Variants in PKIB observed in about 807,000 individuals in gnomAD.
The protein encoded by PKIB is cAMP-dependent protein kinase inhibitor beta, also known as PKI-beta.
In PKIB, 2 loss-of-function variants were observed where a neutral mutation model predicts 4.5. The observed-to-expected ratio is 0.44, with a 90% CI of 0.18 to 1.39. PKIB has a LOEUF of 1.39. Ranked by LOEUF, PKIB falls within the 40% of genes most tolerant of loss-of-function variation. The pLI, the probability that PKIB is intolerant of heterozygous loss-of-function variation, is 0.27. For synonymous variants in PKIB, 38 were observed against 36.0 expected (o/e 1.06, Z -0.20); for missense variants, 94 against 92.6 (o/e 1.02, Z -0.06).
intron 2 of PKIB, among the ~76,000 whole-genome samples, chr6:122,567,791 A>G (rs959506219): frequency 2.6e-5 from 4 of 152,178 alleles, no homozygotes; most frequent in Non-Finnish European, 4.4e-5. Context: ...AAACACACCA[A>G]TTGAGCATGC....
chr6:122,695,989 T>A (rs1778555211), intron 3 of PKIB, among the ~76,000 whole-genome samples: 1 of 152,194 alleles, frequency 6.6e-6, no homozygotes, highest in Non-Finnish European at 1.5e-5. Context: ...CTGTTCTACC[T>A]GTGTATGGCT....
At chr6:122,679,295 G>A (rs1777809461) in intron 3 of PKIB, among the ~76,000 whole-genome samples, 1 of 152,220 alleles carries the variant, frequency 6.6e-6, no homozygotes, top group African/African-American at 2.4e-5. Flanking sequence ...CTGCTGGACT[G>A]GAGGGGAGCA....
intron 1 of PKIB, among the ~76,000 whole-genome samples, chr6:122,474,658 T>A (rs576515172): frequency 1.3e-3 from 200 of 152,312 alleles, no homozygotes; most frequent in African/African-American, 4.6e-3. Flanking sequence ...GTATGTAAAA[T>A]TAATAGTCTC....
At chr6:122,644,356 C>A (rs1776232843) in intron 2 of PKIB, 2 of 152,192 alleles carry the variant, frequency 1.3e-5, no homozygotes, top group Non-Finnish European at 2.9e-5. Flanking sequence ...CTATTCTGTA[C>A]CTTGCTTTGC....
intron 2 of PKIB, among the ~76,000 whole-genome samples, chr6:122,652,292 TTGTGTGTG>T (rs66695664): frequency 0.09 from 12,768 of 141,914 alleles, 595 homozygotes; most frequent in East Asian, 0.17. Flanking sequence ...ATATGTTGGT[TTGTGTGTG>T]TGTGTGTGTG....
intron 2 of PKIB, chr6:122,479,603 G>C (rs1775547573): frequency 6.6e-6 from 1 of 152,162 alleles, no homozygotes; most frequent in Admixed American, 6.5e-5. Flanking sequence ...TTTCCTAGCT[G>C]TTAATATAAT....
At chr6:122,618,920 CATTCA>C (rs1289436601) in intron 1 of PKIB, among the ~76,000 whole-genome samples, 1 of 152,072 alleles carries the variant, frequency 6.6e-6, no homozygotes. Context: ...GTGCAGTTTA[CATTCA>C]AAATAATACT....
chr6:122,482,544 A>ATTTTTTTTTTTT (rs571676167), intron 2 of PKIB: 1 of 103,720 alleles, frequency 9.6e-6, no homozygotes, highest in Non-Finnish European at 1.8e-5. Flanking sequence ...TTTAGGTTGG[A>ATTTTTTTTTTTT]TTTTTTTTTT....
intron 3 of PKIB, among the ~76,000 whole-genome samples, chr6:122,604,993 A>G (rs552086406): frequency 7.9e-5 from 12 of 152,270 alleles, no homozygotes; most frequent in Admixed American, 3.9e-4. Context: ...TGTGTCCCCA[A>G]CTGTTTCATT....
At chr6:122,526,242 G>C (rs1011913302) in intron 2 of PKIB, among the ~76,000 whole-genome samples, 2 of 151,972 alleles carry the variant, frequency 1.3e-5, no homozygotes, top group Non-Finnish European at 2.9e-5. Flanking sequence ...ATCCATAAGA[G>C]CTGGAATGAA....
chr6:122,538,251 C>T (rs866857405), intron 2 of PKIB, among the ~76,000 whole-genome samples: 3 of 152,012 alleles, frequency 2.0e-5, no homozygotes, highest in Non-Finnish European at 4.4e-5. Flanking sequence ...GAAGTCCTTG[C>T]CCATGCCTAT....
chr6:122,534,637 T>C (rs1777352093), intron 2 of PKIB, among the ~76,000 whole-genome samples: 1 of 152,030 alleles, frequency 6.6e-6, no homozygotes. Flanking sequence ...ACCAGCCAAA[T>C]ACAATACTTT....
intron 3 of PKIB, among the ~76,000 whole-genome samples, chr6:122,706,755 A>T (rs1465760377): frequency 6.6e-6 from 1 of 152,204 alleles, no homozygotes; most frequent in Non-Finnish European, 1.5e-5. Flanking sequence ...ACACATGCAT[A>T]TGCCATTTTT....
At chr6:122,588,401 T>G (rs1773918291) in intron 3 of PKIB, among the ~76,000 whole-genome samples, 1 of 152,110 alleles carries the variant, frequency 6.6e-6, no homozygotes, top group Non-Finnish European at 1.5e-5. Context: ...TACCAATGAC[T>G]TTCTTCACAG....
At chr6:122,690,694 A>C (rs962077151) in intron 3 of PKIB, among the ~76,000 whole-genome samples, 1 of 152,046 alleles carries the variant, frequency 6.6e-6, no homozygotes, top group Non-Finnish European at 1.5e-5. Flanking sequence ...TAATTTACAC[A>C]CCACAATTTC....
chr6:122,701,499 G>GTTATAACCATAA, intron 3 of PKIB: 1 of 1,596,758 alleles, frequency 6.3e-7, no homozygotes, highest in Non-Finnish European at 8.5e-7. Flanking sequence ...TGTCACACCA[G>GTTATAACCATAA]GGTATAGTTA....
intron 3 of PKIB, among the ~76,000 whole-genome samples, chr6:122,598,541 T>C: frequency 6.6e-6 from 1 of 152,152 alleles, no homozygotes; most frequent in East Asian, 1.9e-4. Context: ...GAAGAACAAT[T>C]ACAGGGCTCT....
At chr6:122,473,064 T>C (rs952313289) in intron 1 of PKIB, among the ~76,000 whole-genome samples, 2 of 152,276 alleles carry the variant, frequency 1.3e-5, no homozygotes, top group Non-Finnish European at 2.9e-5. Flanking sequence ...TGAGCCGAGA[T>C]TGGGCCACTG....
At chr6:122,627,014 C>A (rs1775474293) in intron 1 of PKIB, among the ~76,000 whole-genome samples, 1 of 147,174 alleles carries the variant, frequency 6.8e-6, no homozygotes, top group African/African-American at 2.5e-5. Flanking sequence ...GTGGGTGGAT[C>A]ACGAGGTCAG....
Sources: allele counts gnomAD v4.1 joint callset (sites outside exome capture counted in the v4.1 genomes callset), GRCh38; gene constraint gnomAD v4.1.1; transcripts MANE v1.5; gene names NCBI Gene and HGNC (gene_info 2026-07-23, HGNC 2026-07-21).